Variants in DPYS observed in about 807,000 individuals in gnomAD.
DPYS encodes the protein dihydropyrimidinase.
In DPYS, 39 loss-of-function variants were observed where a neutral mutation model predicts 50.3. That is an observed-to-expected ratio of 0.78 (90% confidence interval 0.60 to 1.01). DPYS has a LOEUF of 1.01. Ranked by LOEUF, DPYS falls within the 50% of genes least tolerant of loss-of-function variation. The probability of loss-of-function intolerance (pLI) is 0.00; values close to 1 mark genes in which losing one functional copy is unlikely to be tolerated. For missense variants in DPYS, 659 were observed against 680.9 expected (o/e 0.97, Z 0.36); for synonymous variants, 245 against 250.7 (o/e 0.98, Z 0.22).
intron 8 of DPYS, among the ~76,000 whole-genome samples, chr8:104,390,843 G>T (rs1161108438): frequency 1.3e-5 from 2 of 151,902 alleles, no homozygotes; most frequent in Non-Finnish European, 2.9e-5. Context: ...TCCCTCCCAG[G>T]GTTATTATAG....
intron 5 of DPYS, among the ~76,000 whole-genome samples, chr8:104,428,376 A>G (rs2246821): frequency 0.93 from 142,068 of 152,340 alleles, 66,586 homozygotes; most frequent in Middle Eastern, 0.98. Context: ...GCTCAGCTCC[A>G]TCACTTAACT....
At chr8:104,432,100 G>A (rs1287970201) in intron 4 of DPYS, among the ~76,000 whole-genome samples, 1 of 152,162 alleles carries the variant, frequency 6.6e-6, no homozygotes, top group East Asian at 1.9e-4. Flanking sequence ...CAACTCTTAG[G>A]AGAAAGGAAC....
intron 7 of DPYS, among the ~76,000 whole-genome samples, chr8:104,423,564 T>C (rs951189032): frequency 2.0e-5 from 3 of 152,212 alleles, no homozygotes; most frequent in Non-Finnish European, 4.4e-5. Flanking sequence ...ACATACAGAT[T>C]ATTAAAGCAT....
chr8:104,385,002 AAT>A (rs1302168068), intron 8 of DPYS, among the ~76,000 whole-genome samples: 2 of 152,110 alleles, frequency 1.3e-5, no homozygotes, highest in African/African-American at 2.4e-5. Flanking sequence ...TTTCTTCTCT[AAT>A]ATAGTTTCCT....
At chr8:104,437,160 C>T (rs1813181572) in intron 4 of DPYS, among the ~76,000 whole-genome samples, 1 of 152,146 alleles carries the variant, frequency 6.6e-6, no homozygotes, top group African/African-American at 2.4e-5. Flanking sequence ...GAGGAAAATA[C>T]AGAAGAAACA....
chr8:104,401,696 T>C (rs1811814722), intron 7 of DPYS, among the ~76,000 whole-genome samples: 1 of 152,226 alleles, frequency 6.6e-6, no homozygotes, highest in Non-Finnish European at 1.5e-5. Context: ...GTAATCACCA[T>C]AGAAGACTTT....
At chr8:104,399,443 T>C (rs1199436563) in intron 7 of DPYS, among the ~76,000 whole-genome samples, 1 of 151,912 alleles carries the variant, frequency 6.6e-6, no homozygotes, top group African/African-American at 2.4e-5. Flanking sequence ...TTTTGCAGCA[T>C]ATTTAAGCTT....
chr8:104,395,944 T>C (rs1375901559), intron 7 of DPYS, among the ~76,000 whole-genome samples: 2 of 151,286 alleles, frequency 1.3e-5, no homozygotes, highest in Non-Finnish European at 2.9e-5. Context: ...CGGGTACAAA[T>C]ACACAATAAT....
intron 8 of DPYS, among the ~76,000 whole-genome samples, chr8:104,382,699 C>G (rs942516009): frequency 1.3e-5 from 2 of 152,106 alleles, no homozygotes; most frequent in African/African-American, 2.4e-5. Context: ...AATCCAGGCC[C>G]GTCTGAGCAA....
At chr8:104,442,982 G>A (rs142655646) in intron 4 of DPYS, among the ~76,000 whole-genome samples, 1 of 152,254 alleles carries the variant, frequency 6.6e-6, no homozygotes, top group East Asian at 1.9e-4. Flanking sequence ...GGATCACTTG[G>A]AAGTTAGAGA....
At chr8:104,465,533 T>C (rs1341947753) in intron 1 of DPYS, among the ~76,000 whole-genome samples, 1 of 152,188 alleles carries the variant, frequency 6.6e-6, no homozygotes. Flanking sequence ...AGTAGAATTT[T>C]TACTCTATGT....
intron 1 of DPYS, among the ~76,000 whole-genome samples, chr8:104,465,920 A>G (rs1013482289): frequency 6.6e-6 from 1 of 152,100 alleles, no homozygotes; most frequent in African/African-American, 2.4e-5. Context: ...CTCCAGCAGC[A>G]AGAATGTTGT....
intron 1 of DPYS, among the ~76,000 whole-genome samples, chr8:104,465,678 G>C (rs533577819): frequency 6.6e-6 from 1 of 152,202 alleles, no homozygotes; most frequent in East Asian, 1.9e-4. Flanking sequence ...GACAGCCAAT[G>C]AACTAAGAAA....
chr8:104,422,939 A>T, intron 7 of DPYS, among the ~76,000 whole-genome samples: 2 of 152,088 alleles, frequency 1.3e-5, no homozygotes, highest in Middle Eastern at 6.8e-3. Flanking sequence ...AATCCAAGCA[A>T]TTTTTTTTCC....
At chr8:104,383,089 C>CA (rs1208028840) in intron 8 of DPYS, among the ~76,000 whole-genome samples, 1 of 152,200 alleles carries the variant, frequency 6.6e-6, no homozygotes, top group African/African-American at 2.4e-5. Context: ...TCACTCAGAA[C>CA]AGGGCTTGCT....
intron 1 of DPYS, among the ~76,000 whole-genome samples, chr8:104,456,998 T>C (rs928929829): frequency 6.6e-6 from 1 of 152,204 alleles, no homozygotes; most frequent in Non-Finnish European, 1.5e-5. Flanking sequence ...TTCCAAGACC[T>C]CCAGTGGATG....
At chr8:104,461,784 G>C (rs1440872864) in intron 1 of DPYS, among the ~76,000 whole-genome samples, 2 of 152,160 alleles carry the variant, frequency 1.3e-5, no homozygotes, top group African/African-American at 4.8e-5. Context: ...AGGCTGGAGA[G>C]AGAGATCCGA....
At chr8:104,414,118 A>C (rs1295229785) in intron 7 of DPYS, among the ~76,000 whole-genome samples, 2 of 152,212 alleles carry the variant, frequency 1.3e-5, no homozygotes, top group African/African-American at 4.8e-5. Context: ...AAGAGGAGAT[A>C]ATTTTAATGC....
At chr8:104,436,443 C>T (rs192903945) in intron 4 of DPYS, among the ~76,000 whole-genome samples, 1 of 152,244 alleles carries the variant, frequency 6.6e-6, no homozygotes, top group East Asian at 1.9e-4. Flanking sequence ...AACCCTGTCT[C>T]TACTAAAAAT....
Sources: gnomAD v4.1 joint callset for allele counts (sites outside exome capture counted in the v4.1 genomes callset) on GRCh38, gnomAD v4.1.1 for gene constraint, MANE v1.5 for transcripts, NCBI Gene and HGNC (gene_info 2026-07-23, HGNC 2026-07-21) for gene names.